NMNAT2: variants seen among roughly 807,000 people sequenced by gnomAD.
The protein encoded by NMNAT2 is nicotinamide/nicotinic acid mononucleotide adenylyltransferase 2.
NMNAT2 carries 11 observed loss-of-function variants against 41.6 expected under a neutral mutation model. The observed-to-expected ratio is 0.26, with a 90% CI of 0.17 to 0.44. The LOEUF (loss-of-function observed/expected upper bound fraction) is 0.44. Among genes scored for constraint, NMNAT2 ranks in the 20% least tolerant of loss-of-function variants. NMNAT2 has a pLI of 1.00. For synonymous variants in NMNAT2, 148 were observed against 151.2 expected (o/e 0.98, Z 0.16); for missense variants, 288 against 407.7 (o/e 0.71, Z 2.53).
At chr1:183,364,626 C>A (rs1213845054) in intron 1 of NMNAT2, among the ~76,000 whole-genome samples, 1 of 100,152 alleles carries the variant, frequency 1.0e-5, no homozygotes, top group African/African-American at 3.3e-5. Flanking sequence ...GTAGAAGCTG[C>A]AGGGATAAAT....
chr1:183,363,112 C>T (rs1298186507), intron 1 of NMNAT2, among the ~76,000 whole-genome samples: 1 of 152,110 alleles, frequency 6.6e-6, no homozygotes, highest in Non-Finnish European at 1.5e-5. Context: ...AATTTCTGTT[C>T]AAACCCCTAG....
Position 183,418,201 on chromosome 1 carries a change from C to T in NMNAT2, c.67G>A (p.Gly23Arg). The T allele has an allele frequency of 6.2e-7, 1 of 1,613,956 alleles. No homozygotes were observed. The highest frequency in any genetic ancestry group is 8.5e-7 in the Non-Finnish European group (1 of 1,180,006). ...GACTCACCAAACATCTGAATGTGCC[C>T]TTTGGTGATGGGATTGAAGCTGCCG... ...ACGSFNPITK[G>R]HIQMFERARD... Residue 23 changes from glycine (G) to arginine (R), a missense_variant, in exon 1 of 11, where the codon GGG (glycine) becomes AGG (arginine). By Grantham distance (125) the Gly-to-Arg change is moderately radical (BLOSUM62 -2). Around this residue, in one of 3 missense-constraint regions of NMNAT2, gnomAD observed 100 missense variants for 168.5 expected, o/e 0.59. Coordinates refer to ENST00000287713, the MANE Select transcript of NMNAT2 (RefSeq NM_015039.4).
intron 8 of NMNAT2, among the ~76,000 whole-genome samples, chr1:183,269,907 A>G (rs1660938520): frequency 6.6e-6 from 1 of 152,034 alleles, no homozygotes; most frequent in Non-Finnish European, 1.5e-5. Flanking sequence ...TATTTGAGAC[A>G]GAGTCTCGCT....
intron 5 of NMNAT2, among the ~76,000 whole-genome samples, chr1:183,286,209 C>G (rs1661393671): frequency 6.6e-6 from 1 of 151,854 alleles, no homozygotes; most frequent in Non-Finnish European, 1.5e-5. Context: ...GTAGCTGGGA[C>G]TACAGGTGTG....
At chr1:183,277,866 C>A (rs576203128) in intron 8 of NMNAT2, among the ~76,000 whole-genome samples, 1 of 152,244 alleles carries the variant, frequency 6.6e-6, no homozygotes, top group Admixed American at 6.5e-5. Flanking sequence ...GAATTGCTGC[C>A]TTGGGAATTC....
rs774620732 is a variant in NMNAT2 at position 183,377,450 on chromosome 1, G to A, written c.85+40733C>T. Among the ~76,000 whole-genome samples, 8 of 152,106 alleles carry A rather than the reference G, an allele frequency of 5.3e-5. No individual in the cohort carries two copies. In the East Asian group the frequency reaches 5.8e-4, roughly 11 times the overall value. Reference sequence around the variant, plus strand: ...TCCAAGCAGAAACATTAGAAGTCACGCAGAGTACAGACATTGACAAAAATT... The same window carrying A: ...TCCAAGCAGAAACATTAGAAGTCACACAGAGTACAGACATTGACAAAAATT... On this transcript the variant is annotated intron_variant, in intron 1 of 10. Coordinates refer to ENST00000287713, the MANE Select transcript of NMNAT2 (RefSeq NM_015039.4).
intron 1 of NMNAT2, among the ~76,000 whole-genome samples, chr1:183,402,960 C>CT (rs5779174): frequency 3.8e-4 from 54 of 142,422 alleles, no homozygotes; most frequent in Non-Finnish European, 4.3e-4. Context: ...AACATCATAT[C>CT]TTTTTTTTTT....
intron 1 of NMNAT2, among the ~76,000 whole-genome samples, chr1:183,404,903 C>T (rs749171829): frequency 3.3e-5 from 5 of 152,132 alleles, no homozygotes; most frequent in Admixed American, 1.3e-4. Flanking sequence ...GTCAGATAGA[C>T]AAAGAAGCAA....
chr1:183,349,101 A>G (rs562695507), intron 1 of NMNAT2, among the ~76,000 whole-genome samples: 1 of 152,328 alleles, frequency 6.6e-6, no homozygotes, highest in East Asian at 1.9e-4. Context: ...TCTGATCTAC[A>G]CTGTCCTAGG....
chr1:183,403,797 G>A (rs1648882561), intron 1 of NMNAT2, among the ~76,000 whole-genome samples: 2 of 152,176 alleles, frequency 1.3e-5, no homozygotes, highest in African/African-American at 4.8e-5. Context: ...ACATTGAAAA[G>A]TTGATTTAAT....
At chr1:183,407,052 C>T (rs754125107) in intron 1 of NMNAT2, among the ~76,000 whole-genome samples, 53 of 152,080 alleles carry the variant, frequency 3.5e-4, no homozygotes, top group Non-Finnish European at 6.6e-4. Context: ...CTCCTGACCT[C>T]GTGATCTGCC....
intron 1 of NMNAT2, among the ~76,000 whole-genome samples, chr1:183,342,776 C>G (rs1306265621): frequency 6.6e-6 from 1 of 151,962 alleles, no homozygotes; most frequent in Non-Finnish European, 1.5e-5. Context: ...CTCTGTCATC[C>G]AGGCTGGAGT....
intron 7 of NMNAT2, among the ~76,000 whole-genome samples, chr1:183,280,428 C>T (rs1455725248): frequency 6.6e-6 from 1 of 152,066 alleles, no homozygotes; most frequent in Non-Finnish European, 1.5e-5. Flanking sequence ...CCCTCTGTCA[C>T]CCAAGCTGGA....
At chr1:183,314,754 G>C (rs993702215) in intron 1 of NMNAT2, among the ~76,000 whole-genome samples, 1 of 152,178 alleles carries the variant, frequency 6.6e-6, no homozygotes, top group Non-Finnish European at 1.5e-5. Flanking sequence ...TGGCTCATAC[G>C]TATAATCTCA....
At chr1:183,305,575 A>T (rs1426170631) in intron 1 of NMNAT2, among the ~76,000 whole-genome samples, 1 of 152,132 alleles carries the variant, frequency 6.6e-6, no homozygotes, top group Non-Finnish European at 1.5e-5. Context: ...TCCTGGGTAA[A>T]ACAGGTGACA....
chr1:183,394,130 A>G lies in NMNAT2; in HGVS notation c.85+24053T>C, dbSNP rs947604328. 3.9e-5 allele frequency among the ~76,000 whole-genome samples: 6 copies of G among 152,224 alleles called. 1 individual carries two copies. In the East Asian group the frequency reaches 5.8e-4, roughly 15 times the overall value. ...AGATGCCCACTAATAACTTATTAAC[A>G]TGTTACCCACAAATTTTCAACTGGT... On this transcript the variant is annotated intron_variant, in intron 1 of 10. Transcript: ENST00000287713.
intron 1 of NMNAT2, among the ~76,000 whole-genome samples, chr1:183,403,844 G>A (rs1648883515): frequency 6.6e-6 from 1 of 152,194 alleles, no homozygotes; most frequent in Non-Finnish European, 1.5e-5. Context: ...CAGTAAGAAG[G>A]ATTTTATTTC....
chr1:183,313,090 C>CT (rs1368824546), intron 1 of NMNAT2, among the ~76,000 whole-genome samples: 1 of 151,900 alleles, frequency 6.6e-6, no homozygotes, highest in Non-Finnish European at 1.5e-5. Flanking sequence ...TGCCAGCCCC[C>CT]AGCCCCCATC....
chr1:183,364,686 T>TC (rs71127345), intron 1 of NMNAT2, among the ~76,000 whole-genome samples: 9 of 149,662 alleles, frequency 6.0e-5, no homozygotes, highest in Admixed American at 2.7e-4. Context: ...TTTCTTTCTT[T>TC]TTTTGTTGTT....
Sources: allele counts gnomAD v4.1 joint callset (sites outside exome capture counted in the v4.1 genomes callset), GRCh38; gene constraint gnomAD v4.1.1; regional missense constraint gnomAD v4.1.1; transcripts MANE v1.5; gene names NCBI Gene and HGNC (gene_info 2026-07-23, HGNC 2026-07-21).